The following ABCG8 variants were observed in gnomAD, a reference collection of about 807,000 sequenced individuals.
ABCG8 encodes the protein ATP binding cassette subfamily G member 8.
In ABCG8, 81 loss-of-function variants were observed where a neutral mutation model predicts 71.3. The ratio of observed to expected loss-of-function variants is 1.14; its 90% CI spans 0.95 to 1.37. The LOEUF (loss-of-function observed/expected upper bound fraction) is 1.37, where lower values mean the gene tolerates loss of function less well. Among genes scored for constraint, ABCG8 ranks in the 40% most tolerant of loss-of-function variants. ABCG8 has a pLI of 0.00. For missense variants in ABCG8, 1,119 were observed against 866.2 expected (o/e 1.29, Z -3.66); for synonymous variants, 451 against 354.7 (o/e 1.27, Z -3.05).
chr2:43,855,210 C>T (rs1669061187), intron 6 of ABCG8, among the ~76,000 whole-genome samples: 1 of 152,172 alleles, frequency 6.6e-6, no homozygotes, highest in South Asian at 2.1e-4. Flanking sequence ...AGAACTCTCA[C>T]TATCTCAATA....
At chr2:43,841,136 G>A (rs933270221) in intron 1 of ABCG8, among the ~76,000 whole-genome samples, 1 of 152,184 alleles carries the variant, frequency 6.6e-6, no homozygotes, top group Non-Finnish European at 1.5e-5. Flanking sequence ...CAAGTCCTGC[G>A]TGTCCTCTTG....
At chr2:43,868,069 C>G (rs114776934) in intron 6 of ABCG8, among the ~76,000 whole-genome samples, 7,945 of 150,660 alleles carry the variant, frequency 0.053, 246 homozygotes, top group Middle Eastern at 0.12. Context: ...CTATCTATCT[C>G]GATATAATTT....
In ABCG8 at chr2:43,881,124, CA is replaced by C. The variant is rs1670120161; in HGVS notation, c.*3212del. The C allele has an allele frequency of 6.6e-6, 1 of 152,290 alleles. No individual in the cohort carries two copies. Among genetic ancestry groups the C allele is most frequent in the Non-Finnish European group, 1.5e-5 (1 of 68,056 alleles). The allele number at this position is 152,290 out of a possible 1,614,324, so 9.4% of individuals were successfully genotyped here. On this transcript the variant is annotated 3_prime_UTR_variant, in exon 13 of 13. Transcript: ENST00000272286. The stretch of plus-strand genomic sequence containing the variant: ...GCAGTGATTGACAGCCACTAAGATA[CA>C]TCACCTGACTTTGTGAGTTCACCAT...
intron 11 of ABCG8, among the ~76,000 whole-genome samples, chr2:43,875,878 T>C (rs11685669): frequency 0.85 from 129,352 of 152,092 alleles, 55,317 homozygotes; most frequent in East Asian, 1. Context: ...CTTCCCAGGG[T>C]TGCTCAATCC....
At position 43,881,357 on chromosome 2, in the gene ABCG8, T is replaced by C. The variant is rs1337317095; in HGVS notation, c.*3444T>C. The C allele has an allele frequency of 2.0e-5, 3 of 152,154 alleles. No individual in the cohort carries two copies. Among genetic ancestry groups the C allele is most frequent in the African/African-American group, 7.2e-5 (3 of 41,428 alleles). 9.4% of individuals were successfully genotyped at this position (152,154 alleles called of 1,614,324 possible). A position where few individuals can be genotyped will look rare whatever the true frequency, so the allele number is the denominator to read the frequency against. On this transcript the variant is annotated 3_prime_UTR_variant, in exon 13 of 13. Transcript: ENST00000272286. ...TGGACCCATTGCCCAGAGACTCTGA[T>C]CCCATGGGTCTGTTTTGTTTAAAAT...
rs1468510636 is a variant in ABCG8 at position 43,839,034 on chromosome 2, GTC to G, written c.-19_-18del. On this transcript the variant is annotated 5_prime_UTR_variant, in exon 1 of 13. Transcript: ENST00000272286. ...GGGTCTAAGAGAGCTGCAGCCCAGG[GTC>G]ACAGACCTGTGGGCCCCATGGCCGG... 3 of 1,550,656 alleles carry G rather than the reference GTC, an allele frequency of 1.9e-6. No individual in the cohort carries two copies. In the East Asian group the frequency reaches 7.3e-5, roughly 38 times the overall value.
At chr2:43,864,871 G>C (rs1007636554) in intron 6 of ABCG8, among the ~76,000 whole-genome samples, 1 of 151,688 alleles carries the variant, frequency 6.6e-6, no homozygotes, top group East Asian at 1.9e-4. Flanking sequence ...TATCTGGACG[G>C]AATTCTCACT....
At chr2:43,839,215 CG>C in intron 1 of ABCG8, 99 bp downstream of exon 1, 2 of 1,295,110 alleles carry the variant, frequency 1.5e-6, no homozygotes, top group East Asian at 5.1e-5. Context: ...TAGCACCACC[CG>C]GACATCAAGC....
intron 2 of ABCG8, among the ~76,000 whole-genome samples, chr2:43,845,098 G>GTGTA (rs1475861294): frequency 3.1e-5 from 4 of 130,140 alleles, no homozygotes; most frequent in South Asian, 5.0e-4. Context: ...GTGTGTGTGT[G>GTGTA]TATATATATA....
chr2:43,872,024 C>T lies in ABCG8; in HGVS notation c.1013C>T (p.Thr338Ile). ...DRRSREQELA[T>I]REKAQSLAAL... is the part of the protein sequence containing the mutation. ...CGCAGCAGAGAGCAGGAATTGGCCA[C>T]CAGGGAGAAGGCTCAGTCACTCGCA... Residue 338 changes from threonine (T) to isoleucine (I), a missense_variant, in exon 7 of 13, where the codon ACC (threonine) becomes ATC (isoleucine). Transcript: ENST00000272286. 1 of 1,614,054 alleles carries T rather than the reference C, an allele frequency of 6.2e-7. No homozygotes were observed. The highest frequency in any genetic ancestry group is 1.3e-5 in the African/African-American group (1 of 75,040).
At chr2:43,860,284 CACTCTGGATAGA>C (rs766036852) in intron 6 of ABCG8, among the ~76,000 whole-genome samples, 11 of 150,570 alleles carry the variant, frequency 7.3e-5, no homozygotes, top group Non-Finnish European at 1.3e-4. Flanking sequence ...AGAATTCTTA[CACTCTGGATAGA>C]ACTCTCACTA....
intron 8 of ABCG8, 110 bp from the exon 9 acceptor site, chr2:43,873,677 T>C (rs1012354742): frequency 5.5e-6 from 6 of 1,082,552 alleles, no homozygotes; most frequent in Non-Finnish European, 8.5e-6. Flanking sequence ...GGTATTACCA[T>C]CCCCATTTTG....
At chr2:43,867,449 C>T (rs1327725763) in intron 6 of ABCG8, among the ~76,000 whole-genome samples, 1 of 148,476 alleles carries the variant, frequency 6.7e-6, no homozygotes, top group Non-Finnish European at 1.5e-5. Flanking sequence ...ATAGAATTCT[C>T]ACCATCTGGA....
chr2:43,871,466 C>T (rs1464246366), intron 6 of ABCG8, among the ~76,000 whole-genome samples: 4 of 151,766 alleles, frequency 2.6e-5, no homozygotes, highest in Admixed American at 6.6e-5. Flanking sequence ...ATTGAACTCT[C>T]GCTATCTGGA....
intron 6 of ABCG8, among the ~76,000 whole-genome samples, chr2:43,855,855 A>G (rs561867454): frequency 6.6e-6 from 1 of 151,946 alleles, no homozygotes; most frequent in Non-Finnish European, 1.5e-5. Flanking sequence ...TCTGGATAGA[A>G]TTCTCACTCA....
chr2:43,870,770 T>C (rs1669736359), intron 6 of ABCG8, among the ~76,000 whole-genome samples: 1 of 149,864 alleles, frequency 6.7e-6, no homozygotes, highest in Non-Finnish European at 1.5e-5. Context: ...TCTGTCTGGA[T>C]AGAATTTTCA....
chr2:43,876,807 A>T (rs1289969117), intron 11 of ABCG8, among the ~76,000 whole-genome samples: 1 of 148,820 alleles, frequency 6.7e-6, no homozygotes, highest in Non-Finnish European at 1.5e-5. Context: ...ATATGAAGAG[A>T]CTGTGTGAAT....
intron 3 of ABCG8, among the ~76,000 whole-genome samples, chr2:43,851,281 G>T (rs948907202): frequency 6.6e-6 from 1 of 152,328 alleles, no homozygotes; most frequent in South Asian, 2.1e-4. Flanking sequence ...CTGGCCCTGT[G>T]GCATCTAGGA....
At chr2:43,849,159 T>C (rs945386577) in intron 3 of ABCG8, among the ~76,000 whole-genome samples, 5 of 151,990 alleles carry the variant, frequency 3.3e-5, no homozygotes, top group African/African-American at 1.2e-4. Flanking sequence ...AGCCATTGAA[T>C]AAGGGTCTTG....
Sources: gnomAD v4.1 joint callset for allele counts (sites outside exome capture counted in the v4.1 genomes callset) on GRCh38, gnomAD v4.1.1 for gene constraint, MANE v1.5 for transcripts, NCBI Gene and HGNC (gene_info 2026-07-23, HGNC 2026-07-21) for gene names.